The following MEIS2 variants were observed in gnomAD, a reference collection of about 807,000 sequenced individuals.
The protein encoded by MEIS2 is homeobox protein Meis2.
MEIS2 carries 9 observed loss-of-function variants against 58.6 expected under a neutral mutation model. The ratio of observed to expected loss-of-function variants is 0.15; its 90% CI spans 0.09 to 0.27. MEIS2 has a LOEUF of 0.27. Among genes scored for constraint, MEIS2 ranks in the 10% least tolerant of loss-of-function variants. The pLI is 1.00. For synonymous variants in MEIS2, 221 were observed against 228.4 expected (o/e 0.97, Z 0.29); for missense variants, 427 against 635.0 (o/e 0.67, Z 3.52).
rs150113488 is a variant in MEIS2 at position 37,016,468 on chromosome 15, C to T, written c.900+20346G>A. On this transcript the variant is annotated intron_variant, in intron 8 of 11. Transcript: ENST00000561208. ...TAAACCTGCGTCACAACATGGCAGA[C>T]GGTGATTAATAGCAACTGTATCAAC... is the stretch of plus-strand genomic sequence containing the variant. 7.4e-4 allele frequency among the ~76,000 whole-genome samples: 112 copies of T among 151,820 alleles called. 3 individuals carry two copies. The East Asian group carries it at 0.019, about 26-fold the overall frequency.
chr15:36,892,294 A>G lies in MEIS2; in HGVS notation c.1313T>C (p.Met438Thr). The G allele has an allele frequency of 6.2e-7, 1 of 1,613,810 alleles. No homozygotes were observed. The change falls in exon 12 of 12, where the codon ATG becomes ACG. Residue 438 changes from methionine (M) to threonine (T), a missense_variant. Around this residue, in one of 6 missense-constraint regions of MEIS2, gnomAD observed 154 missense variants for 148.1 expected, o/e 1.04. Transcript: ENST00000561208. ...YLPSHPHHPAMMMHGGPPTHP... is the reference protein window; with the variant it reads ...YLPSHPHHPATMMHGGPPTHP... Reference sequence around the variant, plus strand: ...GGTAGGGGGTCCTCCGTGCATCATCATGGCTGGGTGGTGGGGATGGCTTGG... The same window carrying G: ...GGTAGGGGGTCCTCCGTGCATCATCGTGGCTGGGTGGTGGGGATGGCTTGG...
At position 36,892,011 on chromosome 15, in the gene MEIS2, T is replaced by C; in HGVS notation, c.*162A>G. 2.7e-6 allele frequency: 2 copies of C among 741,672 alleles called. No individual in the cohort carries two copies. The highest frequency in any genetic ancestry group is 2.4e-5 in the Admixed American group (1 of 40,952). 45.9% of individuals were successfully genotyped at this position (741,672 alleles called of 1,614,324 possible). On this transcript the variant is annotated 3_prime_UTR_variant, in exon 12 of 12. Transcript: ENST00000561208. The stretch of plus-strand genomic sequence containing the variant: ...GTCAGCCCATGATTTCACATTTGTG[T>C]TCTTGTTGCATTGGTCCTCTGTTGC...
At chr15:36,899,119 A>G (rs1369127663) in intron 9 of MEIS2, among the ~76,000 whole-genome samples, 2 of 152,228 alleles carry the variant, frequency 1.3e-5, no homozygotes, top group African/African-American at 4.8e-5. Context: ...GTTCTCAAAC[A>G]ATGTTTTTGA....
At chr15:36,967,276 T>A (rs2059386814) in intron 8 of MEIS2, among the ~76,000 whole-genome samples, 1 of 152,190 alleles carries the variant, frequency 6.6e-6, no homozygotes, top group Admixed American at 6.5e-5. Context: ...CTTATTTTCC[T>A]GTTGGTGGGT....
intron 8 of MEIS2, among the ~76,000 whole-genome samples, chr15:36,999,191 A>G (rs2060636419): frequency 6.6e-6 from 1 of 152,176 alleles, no homozygotes; most frequent in African/African-American, 2.4e-5. Flanking sequence ...GTAATTTTTC[A>G]TTATGCTCAC....
intron 7 of MEIS2, among the ~76,000 whole-genome samples, chr15:37,061,046 G>A (rs1478914238): frequency 6.6e-6 from 1 of 152,152 alleles, no homozygotes; most frequent in African/African-American, 2.4e-5. Context: ...AAATAGGCAT[G>A]GTTAGGTCCT....
chr15:37,047,453 G>C (rs2062722121), intron 7 of MEIS2, among the ~76,000 whole-genome samples: 1 of 152,172 alleles, frequency 6.6e-6, no homozygotes, highest in South Asian at 2.1e-4. Flanking sequence ...ACCAGAAAGG[G>C]AGAGAGACCA....
At chr15:37,003,934 C>A (rs1050366727) in intron 8 of MEIS2, among the ~76,000 whole-genome samples, 1 of 152,194 alleles carries the variant, frequency 6.6e-6, no homozygotes, top group East Asian at 1.9e-4. Flanking sequence ...TTGCCAGCAC[C>A]ATCATCTTGG....
intron 1 of MEIS2, chr15:37,098,550 A>T (rs1894680323): frequency 2.5e-6 from 1 of 404,140 alleles, no homozygotes; most frequent in Non-Finnish European, 3.6e-6. Flanking sequence ...TAAATTTAAA[A>T]ATGAAAAAGC....
At chr15:37,038,234 T>C (rs532268164) in intron 7 of MEIS2, among the ~76,000 whole-genome samples, 9 of 152,354 alleles carry the variant, frequency 5.9e-5, no homozygotes, top group African/African-American at 2.2e-4. Context: ...CTGAGCTGGA[T>C]GCTCTGTAGC....
chr15:37,059,749 C>T (rs1320860239), intron 7 of MEIS2, among the ~76,000 whole-genome samples: 3 of 151,698 alleles, frequency 2.0e-5, no homozygotes, highest in Admixed American at 6.6e-5. Context: ...CCAGCCTGGT[C>T]GACACAATGA....
At chr15:36,952,253 G>A (rs74008818) in intron 8 of MEIS2, among the ~76,000 whole-genome samples, 3,938 of 151,114 alleles carry the variant, frequency 0.026, 153 homozygotes, top group African/African-American at 0.085. Flanking sequence ...TGGGAGGGGC[G>A]GTGGCAAAAA....
chr15:36,941,744 C>T (rs1440295039), intron 9 of MEIS2, among the ~76,000 whole-genome samples: 1 of 152,150 alleles, frequency 6.6e-6, no homozygotes, highest in Non-Finnish European at 1.5e-5. Context: ...ATTTCTCTAG[C>T]AGGCATTCTT....
At chr15:37,064,426 T>A (rs1023083124) in intron 7 of MEIS2, among the ~76,000 whole-genome samples, 2 of 152,046 alleles carry the variant, frequency 1.3e-5, no homozygotes, top group Non-Finnish European at 2.9e-5. Context: ...CAAAAAACCA[T>A]ATCACTTATA....
At chr15:36,970,095 T>C (rs375589974) in intron 8 of MEIS2, among the ~76,000 whole-genome samples, 5 of 152,186 alleles carry the variant, frequency 3.3e-5, no homozygotes, top group African/African-American at 9.7e-5. Context: ...AAATATAATA[T>C]AGTTTTGTTT....
chr15:36,943,266 C>T (rs2141368533), intron 9 of MEIS2, among the ~76,000 whole-genome samples: 1 of 152,216 alleles, frequency 6.6e-6, no homozygotes, highest in African/African-American at 2.4e-5. Flanking sequence ...CCATGTAGAT[C>T]ATGCCAATTG....
chr15:36,947,132 TTTAAAAGAAAGTC>T (rs1354238907), intron 9 of MEIS2, among the ~76,000 whole-genome samples: 1 of 151,990 alleles, frequency 6.6e-6, no homozygotes, highest in Non-Finnish European at 1.5e-5. Context: ...GTTATCATCT[TTTAAAAGAAAGTC>T]TTAATTAGGT....
chr15:36,961,549 G>T lies in MEIS2; in HGVS notation c.901-11149C>A, dbSNP rs142353850. Among the ~76,000 whole-genome samples, 712 of 152,146 alleles carry T rather than the reference G, an allele frequency of 4.7e-3. 26 individuals carry two copies. The highest frequency in any genetic ancestry group is 0.043 in the Admixed American group (651 of 15,282). On this transcript the variant is annotated intron_variant, in intron 8 of 11. Coordinates refer to ENST00000561208, the MANE Select transcript of MEIS2 (RefSeq NM_170675.5). Reference sequence around the variant, plus strand: ...AGAAAGTACAGACATAAAATTAAAAGTATTCTTGGCAAAAAATAAGGCTAC... The same window carrying T: ...AGAAAGTACAGACATAAAATTAAAATTATTCTTGGCAAAAAATAAGGCTAC...
At chr15:37,063,022 G>T (rs559378744) in intron 7 of MEIS2, among the ~76,000 whole-genome samples, 39 of 152,210 alleles carry the variant, frequency 2.6e-4, no homozygotes, top group African/African-American at 8.7e-4. Flanking sequence ...TACTTACAGG[G>T]TGGATTTTTA....
Sources: allele counts gnomAD v4.1 joint callset (sites outside exome capture counted in the v4.1 genomes callset), GRCh38; gene constraint gnomAD v4.1.1; regional missense constraint gnomAD v4.1.1; transcripts MANE v1.5; gene names NCBI Gene and HGNC (gene_info 2026-07-23, HGNC 2026-07-21).